RRAS2: variants seen among roughly 807,000 people sequenced by gnomAD.
The protein encoded by RRAS2 is ras-related protein R-Ras2.
Under a neutral mutation model 27.6 loss-of-function variants are expected in RRAS2, and 7 were observed. That is an observed-to-expected ratio of 0.25 (90% CI 0.14 to 0.48). RRAS2 has a LOEUF of 0.48. RRAS2 is among the 20% of genes least tolerant of loss of function. RRAS2 has a pLI of 0.99. For synonymous variants in RRAS2, 86 were observed against 90.9 expected, an observed-to-expected ratio of 0.95 and a Z score of 0.31; for missense variants, 178 against 256.2, an observed-to-expected ratio of 0.69 and a Z score of 2.08.
intron 1 of RRAS2, among the ~76,000 whole-genome samples, chr11:14,337,537 A>G (rs1554952695): frequency 6.6e-6 from 1 of 152,208 alleles, no homozygotes; most frequent in East Asian, 1.9e-4. Context: ...ATAGAACAAA[A>G]AGATATTTTG....
chr11:14,349,768 T>C (rs1848912596), intron 1 of RRAS2, among the ~76,000 whole-genome samples: 2 of 152,206 alleles, frequency 1.3e-5, no homozygotes, highest in African/African-American at 4.8e-5. Flanking sequence ...AGAGTTCAAA[T>C]ACTAGGATCA....
At chr11:14,349,161 A>AT (rs1343519267) in intron 1 of RRAS2, among the ~76,000 whole-genome samples, 17 of 139,824 alleles carry the variant, frequency 1.2e-4, no homozygotes, top group African/African-American at 2.4e-4. Context: ...TATTTTTATT[A>AT]TTTTTTTTAG....
In RRAS2 at chr11:14,359,096, G is replaced by A; in HGVS notation, c.-226C>T. 1 of 1,072,276 alleles carries A rather than the reference G, an allele frequency of 9.3e-7. No individual in the cohort carries two copies. The highest frequency in any genetic ancestry group is 1.7e-5 in the African/African-American group (1 of 59,476). 66.4% of individuals were successfully genotyped at this position (1,072,276 alleles called of 1,614,324 possible). A position where few individuals can be genotyped will look rare whatever the true frequency, so the allele number is the denominator to read the frequency against. On this transcript the variant is annotated 5_prime_UTR_variant, in exon 1 of 6. Transcript: ENST00000256196. ...AAGCGGGGTGACGGCACGGGCCAGG[G>A]GCGGCAGCGGCCGGGGGGCGCGCTC...
chr11:14,281,841 G>A (rs987968704), intron 4 of RRAS2, 121 bp from the exon 5 acceptor site: 14 of 772,486 alleles, frequency 1.8e-5, no homozygotes, highest in Non-Finnish European at 2.8e-5. Flanking sequence ...ATCATAAGGT[G>A]AAACAACAGA....
chr11:14,310,639 T>C (rs1554948741), intron 1 of RRAS2, among the ~76,000 whole-genome samples: 1 of 151,958 alleles, frequency 6.6e-6, no homozygotes, highest in African/African-American at 2.4e-5. Context: ...TCTCTACAGA[T>C]AAGGAAAAAA....
chr11:14,342,114 C>T (rs1008219747), intron 1 of RRAS2: 12 of 244,588 alleles, frequency 4.9e-5, no homozygotes, highest in African/African-American at 2.7e-4. Flanking sequence ...CTCACCCTTC[C>T]CTCTCCTCCT....
intron 4 of RRAS2, among the ~76,000 whole-genome samples, chr11:14,292,200 C>A (rs886119163): frequency 5.3e-5 from 8 of 152,056 alleles, no homozygotes; most frequent in African/African-American, 1.9e-4. Context: ...TAGACCCAAG[C>A]TGATAATGGC....
At chr11:14,317,926 G>A (rs912312515) in intron 1 of RRAS2, among the ~76,000 whole-genome samples, 1 of 152,104 alleles carries the variant, frequency 6.6e-6, no homozygotes, top group Non-Finnish European at 1.5e-5. Flanking sequence ...GTGAGAGAAT[G>A]TCTCTAAATA....
At position 14,294,801 on chromosome 11, in the gene RRAS2, G is replaced by C; in HGVS notation, c.258C>G (p.Gly86=). The C allele has an allele frequency of 6.2e-7, 1 of 1,613,626 alleles. No homozygotes were observed. Among genetic ancestry groups the C allele is most frequent in the Non-Finnish European group, 8.5e-7 (1 of 1,179,884 alleles). The change falls in exon 3 of 6, where the codon GGC becomes GGG. Residue 86 remains glycine, a synonymous_variant. Coordinates refer to ENST00000256196, the MANE Select transcript of RRAS2 (RefSeq NM_012250.6). ...CTGAAAAGACCAACAGGAAGCCTTC[G>C]CCAGTCCTCATATACTGTTCTCTCA... The part of the protein sequence containing the change: ...GAMREQYMRT[G]EGFLLVFSVT...
At chr11:14,321,000 G>C (rs1554950209) in intron 1 of RRAS2, among the ~76,000 whole-genome samples, 4 of 152,046 alleles carry the variant, frequency 2.6e-5, no homozygotes. Flanking sequence ...GGCCAACATG[G>C]TAAACCCCGT....
chr11:14,337,655 C>T (rs1380165083), intron 1 of RRAS2, among the ~76,000 whole-genome samples: 2 of 152,018 alleles, frequency 1.3e-5, no homozygotes, highest in Non-Finnish European at 2.9e-5. Flanking sequence ...TAAACTTTAT[C>T]GTAGGTATCT....
intron 1 of RRAS2, among the ~76,000 whole-genome samples, chr11:14,309,430 G>T (rs530553511): frequency 1.0e-3 from 158 of 152,294 alleles, no homozygotes; most frequent in African/African-American, 3.5e-3. Context: ...CTCTTAGAGG[G>T]CTGGCAGTTT....
chr11:14,281,848 C>T (rs1213692635), intron 4 of RRAS2, 128 bp from the exon 5 acceptor site: 1 of 710,292 alleles, frequency 1.4e-6, no homozygotes, highest in African/African-American at 1.8e-5. Flanking sequence ...GGTGAAACAA[C>T]AGACTTAACA....
At chr11:14,286,067 A>G (rs1223177001) in intron 4 of RRAS2, among the ~76,000 whole-genome samples, 2 of 152,132 alleles carry the variant, frequency 1.3e-5, no homozygotes, top group Non-Finnish European at 2.9e-5. Flanking sequence ...TTACTTCTGA[A>G]AGTTTGATTT....
chr11:14,298,351 G>T lies in RRAS2; in HGVS notation c.109-2496C>A, dbSNP rs1237636684. On this transcript the variant is annotated intron_variant, in intron 1 of 5. Coordinates refer to ENST00000256196, the MANE Select transcript of RRAS2 (RefSeq NM_012250.6). ...TACAAATGCCAAGCCATGCACAATA[G>T]CTAGAATTCTTTAAATGTGACAGTT... Among the ~76,000 whole-genome samples, 4 of 152,136 alleles carry T rather than the reference G, an allele frequency of 2.6e-5. No homozygotes were observed. The East Asian group carries it at 7.7e-4, about 29-fold the overall frequency.
chr11:14,362,312 T>C (rs1554956236), upstream of RRAS2, among the ~76,000 whole-genome samples: 1 of 152,212 alleles, frequency 6.6e-6, no homozygotes, highest in Non-Finnish European at 1.5e-5. Flanking sequence ...GGCTTTATAC[T>C]TCAGAATGTT....
intron 1 of RRAS2, among the ~76,000 whole-genome samples, chr11:14,306,576 A>C (rs1375761283): frequency 6.6e-6 from 1 of 152,096 alleles, no homozygotes; most frequent in Non-Finnish European, 1.5e-5. Flanking sequence ...TTACCCACCA[A>C]CAACTCTCCA....
At chr11:14,306,746 T>C (rs567749222) in intron 1 of RRAS2, among the ~76,000 whole-genome samples, 1 of 152,212 alleles carries the variant, frequency 6.6e-6, no homozygotes, top group South Asian at 2.1e-4. Flanking sequence ...CCCCATTCCC[T>C]ACCCTGAGCT....
At chr11:14,305,191 T>C (rs1315025817) in intron 1 of RRAS2, among the ~76,000 whole-genome samples, 3 of 152,242 alleles carry the variant, frequency 2.0e-5, no homozygotes, top group Non-Finnish European at 4.4e-5. Flanking sequence ...TCACATATAG[T>C]ATTTAGTTGC....
Sources: allele counts gnomAD v4.1 joint callset (sites outside exome capture counted in the v4.1 genomes callset), GRCh38; gene constraint gnomAD v4.1.1; transcripts MANE v1.5; gene names NCBI Gene and HGNC (gene_info 2026-07-23, HGNC 2026-07-21).